DENND1A: variants seen among roughly 807,000 people sequenced by gnomAD.
DENND1A encodes the protein DENN domain containing 1A.
Under a neutral mutation model 113.7 loss-of-function variants are expected in DENND1A, and 51 were observed. That is an observed-to-expected ratio of 0.45 (90% confidence interval 0.36 to 0.57). DENND1A has a LOEUF of 0.57. Among genes scored for constraint, DENND1A ranks in the 20% least tolerant of loss-of-function variants. DENND1A has a pLI of 0.00. For missense variants in DENND1A, 1,258 were observed against 1,395.9 expected, an observed-to-expected ratio of 0.90 and a Z score of 1.57; for synonymous variants, 565 against 570.8, an observed-to-expected ratio of 0.99 and a Z score of 0.14.
intron 9 of DENND1A, among the ~76,000 whole-genome samples, chr9:123,642,891 C>T (rs901474153): frequency 6.6e-6 from 1 of 152,380 alleles, no homozygotes; most frequent in African/African-American, 2.4e-5. Flanking sequence ...GCTCATCACA[C>T]AGGCTGGCGT....
At chr9:123,409,278 T>C (rs1366152959) in intron 20 of DENND1A, among the ~76,000 whole-genome samples, 1 of 152,016 alleles carries the variant, frequency 6.6e-6, no homozygotes, top group Non-Finnish European at 1.5e-5. Flanking sequence ...ATTCATTTTT[T>C]TCTTGACTGA....
At position 123,738,441 on chromosome 9, in the gene DENND1A, T is replaced by TTG. The variant is rs760641686; in HGVS notation, c.302+19261_302+19262insCA. 4.1e-3 allele frequency among the ~76,000 whole-genome samples: 504 copies of TTG among 123,444 alleles called. 2 individuals carry two copies. Among genetic ancestry groups the TTG allele is most frequent in the African/African-American group, 0.012 (344 of 28,156 alleles). 81.0% of individuals were successfully genotyped at this position (123,444 alleles called of 152,430 possible). On this transcript the variant is annotated intron_variant, in intron 5 of 23. Coordinates refer to ENST00000394215, the MANE Select transcript of DENND1A (RefSeq NM_001352964.2). ...AATGAAAAACTGCCGTGTCAACAGC[T>TTG]TCTGTGTGTGTGTGTGTGTGTGTGT...
chr9:123,812,282 T>C (rs1456003447), intron 2 of DENND1A, among the ~76,000 whole-genome samples: 1 of 152,220 alleles, frequency 6.6e-6, no homozygotes, highest in African/African-American at 2.4e-5. Flanking sequence ...GAATTACTCA[T>C]GTTGCTTCAA....
At chr9:123,735,046 G>A in intron 5 of DENND1A, among the ~76,000 whole-genome samples, 1 of 152,062 alleles carries the variant, frequency 6.6e-6, no homozygotes, top group South Asian at 2.1e-4. Flanking sequence ...AGATGTTGCT[G>A]GGAAAAGAGG....
At chr9:123,506,154 T>G (rs897513648) in intron 13 of DENND1A, among the ~76,000 whole-genome samples, 2 of 152,202 alleles carry the variant, frequency 1.3e-5, no homozygotes, top group Non-Finnish European at 1.5e-5. Context: ...GCAAATCAAT[T>G]AACTTTTCTG....
At chr9:123,561,204 G>T (rs1319715706) in intron 12 of DENND1A, among the ~76,000 whole-genome samples, 1 of 152,170 alleles carries the variant, frequency 6.6e-6, no homozygotes, top group African/African-American at 2.4e-5. Context: ...CATTCGGGAG[G>T]TGTTTAATTA....
intron 11 of DENND1A, among the ~76,000 whole-genome samples, chr9:123,592,926 G>A (rs1208056867): frequency 1.3e-5 from 2 of 152,210 alleles, no homozygotes; most frequent in East Asian, 3.8e-4. Context: ...TAATATATGT[G>A]TAATACCTAG....
chr9:123,855,714 G>A (rs916526741), intron 2 of DENND1A, among the ~76,000 whole-genome samples: 1 of 152,150 alleles, frequency 6.6e-6, no homozygotes, highest in African/African-American at 2.4e-5. Context: ...GAAGAAAAGG[G>A]GTTGGAAGGG....
At chr9:123,438,882 T>C (rs2046717942) in intron 19 of DENND1A, among the ~76,000 whole-genome samples, 1 of 152,182 alleles carries the variant, frequency 6.6e-6, no homozygotes, top group East Asian at 1.9e-4. Context: ...TAGGGCCTCC[T>C]TTTTTTGTGT....
rs1420006908 is a variant in DENND1A at position 123,907,461 on chromosome 9, C to T, written c.17+22428G>A. Among the ~76,000 whole-genome samples the T allele has an allele frequency of 2.0e-5, 3 of 150,122 alleles. No homozygotes were observed. The East Asian group carries it at 5.9e-4, about 30-fold the overall frequency. On this transcript the variant is annotated intron_variant, in intron 1 of 23. Coordinates refer to ENST00000394215, the MANE Select transcript of DENND1A (RefSeq NM_001352964.2). ...TCTAGAAAACCCCATTGTCTCAGCC[C>T]AAAATCTCCTTAAGCTGATAAGCAA... is the stretch of plus-strand genomic sequence containing the variant.
chr9:123,806,718 T>C (rs1474595085), intron 2 of DENND1A, among the ~76,000 whole-genome samples: 1 of 152,308 alleles, frequency 6.6e-6, no homozygotes, highest in East Asian at 1.9e-4. Flanking sequence ...ATTATACACT[T>C]TATAAAGGCA....
At chr9:123,675,131 C>A (rs77398229) in intron 6 of DENND1A, among the ~76,000 whole-genome samples, 10 of 152,178 alleles carry the variant, frequency 6.6e-5, no homozygotes, top group African/African-American at 2.4e-4. Context: ...TCAAGGAAGC[C>A]GTTTCTATTA....
At chr9:123,481,778 T>C (rs2050354621) in intron 13 of DENND1A, among the ~76,000 whole-genome samples, 1 of 151,766 alleles carries the variant, frequency 6.6e-6, no homozygotes, top group Non-Finnish European at 1.5e-5. Flanking sequence ...AATATGCATA[T>C]TGTCTTTTTT....
intron 10 of DENND1A, among the ~76,000 whole-genome samples, chr9:123,614,519 A>G (rs2060556649): frequency 6.6e-6 from 1 of 152,162 alleles, no homozygotes; most frequent in Admixed American, 6.5e-5. Context: ...GGGCTCTGTT[A>G]ATCATGTTCC....
chr9:123,648,671 T>C (rs748584046), intron 9 of DENND1A, among the ~76,000 whole-genome samples: 1 of 152,246 alleles, frequency 6.6e-6, no homozygotes, highest in Non-Finnish European at 1.5e-5. Context: ...TTTTATACAA[T>C]GTATATTTTG....
At chr9:123,438,929 T>TC (rs1245226658) in intron 19 of DENND1A, among the ~76,000 whole-genome samples, 1 of 152,156 alleles carries the variant, frequency 6.6e-6, no homozygotes, top group Non-Finnish European at 1.5e-5. Context: ...GAAATCCCTC[T>TC]CCCCCGCCCC....
chr9:123,443,347 T>G (rs2047067978), intron 18 of DENND1A, among the ~76,000 whole-genome samples: 1 of 152,230 alleles, frequency 6.6e-6, no homozygotes, highest in Admixed American at 6.5e-5. Context: ...CTCTATCAAC[T>G]GTAAGTTCGT....
chr9:123,855,611 T>C (rs190995433), intron 2 of DENND1A, among the ~76,000 whole-genome samples: 268 of 152,264 alleles, frequency 1.8e-3, no homozygotes, highest in Non-Finnish European at 3.1e-3. Flanking sequence ...GATTTGAGTA[T>C]TACCCTGTAG....
chr9:123,737,219 G>A (rs1589868637), intron 5 of DENND1A, among the ~76,000 whole-genome samples: 1 of 152,156 alleles, frequency 6.6e-6, no homozygotes, highest in Non-Finnish European at 1.5e-5. Context: ...TTAAGAGACA[G>A]GGTCTCACTC....
Sources: gnomAD v4.1 joint callset for allele counts (sites outside exome capture counted in the v4.1 genomes callset) on GRCh38, gnomAD v4.1.1 for gene constraint, MANE v1.5 for transcripts, NCBI Gene and HGNC (gene_info 2026-07-23, HGNC 2026-07-21) for gene names.